MACROD2: variants seen among roughly 807,000 people sequenced by gnomAD.
The protein encoded by MACROD2 is mono-ADP ribosylhydrolase 2, also known as ADP-ribose glycohydrolase MACROD2.
Under a neutral mutation model 70.4 loss-of-function variants are expected in MACROD2, and 36 were observed. The ratio of observed to expected loss-of-function variants is 0.51; its 90% confidence interval spans 0.39 to 0.68. The LOEUF (loss-of-function observed/expected upper bound fraction) is 0.68. Among genes scored for constraint, MACROD2 ranks in the 30% least tolerant of loss-of-function variants. The probability of loss-of-function intolerance (pLI) is 0.00; values close to 1 mark genes in which losing one functional copy is unlikely to be tolerated. For missense variants in MACROD2, 496 were observed against 538.4 expected (o/e 0.92, Z 0.78); for synonymous variants, 172 against 178.8 (o/e 0.96, Z 0.30).
intron 2 of MACROD2, among the ~76,000 whole-genome samples, chr20:14,067,447 A>G (rs1274325948): frequency 6.6e-6 from 1 of 152,144 alleles, no homozygotes; most frequent in Admixed American, 6.6e-5. Flanking sequence ...TTGAATGAAC[A>G]TTTATTTCCT....
rs556797961 is a variant in MACROD2 at position 14,689,570 on chromosome 20, T to C, written c.418+4611T>C. On this transcript the variant is annotated intron_variant, in intron 5 of 17. Coordinates refer to ENST00000684519, the MANE Select transcript of MACROD2 (RefSeq NM_001351661.2). ...ACTGAACTACTTACAACCTTTTGTA[T>C]GATATGAATTGCTCACAATGGTGTG... 3.9e-4 allele frequency among the ~76,000 whole-genome samples: 60 copies of C among 152,352 alleles called. No individual in the cohort carries two copies. In the Middle Eastern group the frequency reaches 0.01, roughly 26 times the overall value.
At chr20:14,198,380 T>C (rs552874783) in intron 3 of MACROD2, among the ~76,000 whole-genome samples, 1 of 152,356 alleles carries the variant, frequency 6.6e-6, no homozygotes, top group East Asian at 1.9e-4. Flanking sequence ...AATTTGAATC[T>C]ATGAGCCTTT....
In MACROD2 at chr20:16,050,083, T is replaced by G. The variant is rs1453830059; in HGVS notation, c.*207T>G. On this transcript the variant is annotated 3_prime_UTR_variant, in exon 18 of 18. Transcript: ENST00000684519. The stretch of plus-strand genomic sequence containing the variant: ...AAGAAAAAAAAAGTTTCCTTTAATT[T>G]GGTGGAGGGACCCATGTTGACGCAT... The G allele has an allele frequency of 3.8e-5, 18 of 478,270 alleles. No individual in the cohort carries two copies. Among genetic ancestry groups the G allele is most frequent in the Admixed American group, 3.6e-4 (10 of 27,558 alleles). The allele number at this position is 478,270 out of a possible 1,614,324, so 29.6% of individuals were successfully genotyped here. A position where few individuals can be genotyped will look rare whatever the true frequency, so the allele number is the denominator to read the frequency against.
chr20:14,899,830 T>G (rs1568862637), intron 5 of MACROD2, among the ~76,000 whole-genome samples: 1 of 152,092 alleles, frequency 6.6e-6, no homozygotes, highest in Non-Finnish European at 1.5e-5. Context: ...AAACCAAACT[T>G]TAAGAGTAAG....
chr20:15,203,944 C>T (rs573274509), intron 5 of MACROD2, among the ~76,000 whole-genome samples: 22 of 151,992 alleles, frequency 1.4e-4, no homozygotes, highest in African/African-American at 4.3e-4. Context: ...TAAGTGACTA[C>T]GTTTGTGTGT....
intron 2 of MACROD2, among the ~76,000 whole-genome samples, chr20:14,060,112 AG>A (rs1056885948): frequency 6.6e-6 from 1 of 152,236 alleles, no homozygotes; most frequent in Non-Finnish European, 1.5e-5. Context: ...CTATAGCAAA[AG>A]ATCTTTAACT....
At chr20:15,771,350 A>T (rs2051622377) in intron 8 of MACROD2, among the ~76,000 whole-genome samples, 1 of 143,112 alleles carries the variant, frequency 7.0e-6, no homozygotes, top group African/African-American at 2.7e-5. Flanking sequence ...AATTATTATT[A>T]TTATTTTTTT....
At chr20:14,252,060 C>A (rs2082017761) in intron 3 of MACROD2, among the ~76,000 whole-genome samples, 1 of 151,836 alleles carries the variant, frequency 6.6e-6, no homozygotes. Context: ...TTTATGTGTC[C>A]CACTATGGAC....
At chr20:16,004,222 T>TA (rs1425986809) in intron 15 of MACROD2, among the ~76,000 whole-genome samples, 1 of 152,146 alleles carries the variant, frequency 6.6e-6, no homozygotes, top group Non-Finnish European at 1.5e-5. Context: ...CAGCCACTTA[T>TA]AAGCCTCTCT....
rs2066541373 is a variant in MACROD2, at chr20:15,990,366, A to G, written c.1153+3208A>G. On this transcript the variant is annotated intron_variant, in intron 15 of 17. Transcript: ENST00000684519. ...TTTCTTACATTTGTTATTTGGGCAA[A>G]TTTAGAAATATTTGACATAAAATCT... is the stretch of plus-strand genomic sequence containing the variant. Among the ~76,000 whole-genome samples the G allele has an allele frequency of 2.0e-5, 3 of 152,202 alleles. No individual in the cohort carries two copies. In the South Asian group the frequency reaches 6.2e-4, roughly 31 times the overall value.
intron 3 of MACROD2, among the ~76,000 whole-genome samples, chr20:14,139,627 T>G (rs1167468989): frequency 6.6e-6 from 1 of 152,218 alleles, no homozygotes; most frequent in Non-Finnish European, 1.5e-5. Context: ...CTGTAAAGTT[T>G]GAGGCTCTAC....
intron 8 of MACROD2, among the ~76,000 whole-genome samples, chr20:15,821,432 G>C (rs1002849519): frequency 5.3e-5 from 8 of 151,798 alleles, no homozygotes; most frequent in African/African-American, 1.9e-4. Flanking sequence ...AAGTATATTG[G>C]GTGCTAATAA....
At chr20:14,686,263 A>G (rs573934516) in intron 5 of MACROD2, among the ~76,000 whole-genome samples, 1 of 152,298 alleles carries the variant, frequency 6.6e-6, no homozygotes, top group East Asian at 1.9e-4. Context: ...GCATATACAA[A>G]ATGAAGTAAT....
At position 15,049,008 on chromosome 20, in the gene MACROD2, T is replaced by C. The variant is rs183035150; in HGVS notation, c.419-180932T>C. On this transcript the variant is annotated intron_variant, in intron 5 of 17. Transcript: ENST00000684519. ...GCATTATATACTTTTTCAATCAAAATTTTCTTTTTAAAATTTTTCTTTGAA... is the reference window on the plus strand; with the variant it reads ...GCATTATATACTTTTTCAATCAAAACTTTCTTTTTAAAATTTTTCTTTGAA... 1.5e-3 allele frequency among the ~76,000 whole-genome samples: 225 copies of C among 152,254 alleles called. 5 individuals are homozygous for C. The South Asian group carries it at 0.02, about 13-fold the overall frequency.
Position 15,393,847 on chromosome 20 carries a change from C to T in MACROD2, c.541-37558C>T, listed in dbSNP as rs555508569. On this transcript the variant is annotated intron_variant, in intron 6 of 17. Coordinates refer to ENST00000684519, the MANE Select transcript of MACROD2 (RefSeq NM_001351661.2). ...CTCTCTCTCTGAGCATTGGCTATTA[C>T]GATTATCTCTGCAAGTCATATTTTC... 2.6e-3 allele frequency among the ~76,000 whole-genome samples: 392 copies of T among 152,236 alleles called. 4 individuals carry two copies. In the Middle Eastern group the frequency reaches 0.034, roughly 13 times the overall value.
At chr20:15,488,535 A>G (rs555555728) in intron 7 of MACROD2, among the ~76,000 whole-genome samples, 1 of 152,218 alleles carries the variant, frequency 6.6e-6, no homozygotes, top group Non-Finnish European at 1.5e-5. Flanking sequence ...AGACCCCTGC[A>G]ATCCAAGGTG....
intron 5 of MACROD2, among the ~76,000 whole-genome samples, chr20:15,152,670 C>A (rs1052770134): frequency 4.0e-5 from 6 of 151,716 alleles, no homozygotes; most frequent in Non-Finnish European, 5.9e-5. Flanking sequence ...GGGGTTCTTG[C>A]CCCTCCCCCA....
chr20:14,708,763 G>T (rs943598211), intron 5 of MACROD2, among the ~76,000 whole-genome samples: 1 of 151,992 alleles, frequency 6.6e-6, no homozygotes, highest in African/African-American at 2.4e-5. Context: ...GATTACAGGT[G>T]CCCGCCACCA....
chr20:15,610,953 A>C (rs1463712407), intron 8 of MACROD2, among the ~76,000 whole-genome samples: 1 of 124,128 alleles, frequency 8.1e-6, no homozygotes, highest in Non-Finnish European at 1.6e-5. Flanking sequence ...GACTCACTTC[A>C]TCTTGTGCTT....
Sources: allele counts gnomAD v4.1 joint callset (sites outside exome capture counted in the v4.1 genomes callset), GRCh38; gene constraint gnomAD v4.1.1; transcripts MANE v1.5; gene names NCBI Gene and HGNC (gene_info 2026-07-23, HGNC 2026-07-21).